The following RBPJ variants were observed in gnomAD, a reference collection of about 807,000 sequenced individuals.
The protein encoded by RBPJ is recombination signal binding protein for immunoglobulin kappa J region.
A neutral mutation model predicts 67.8 loss-of-function variants in RBPJ; 9 were observed. That is an observed-to-expected ratio of 0.13 (90% CI 0.08 to 0.23). The LOEUF (loss-of-function observed/expected upper bound fraction) is 0.23, where lower values mean the gene tolerates loss of function less well. Among genes scored for constraint, RBPJ ranks in the 10% least tolerant of loss-of-function variants. The probability of loss-of-function intolerance (pLI) is 1.00; values close to 1 mark genes in which losing one functional copy is unlikely to be tolerated. For synonymous variants in RBPJ, 198 were observed against 203.3 expected, an observed-to-expected ratio of 0.97 and a Z score of 0.22; for missense variants, 305 against 595.6, an observed-to-expected ratio of 0.51 and a Z score of 5.08.
intron 1 of RBPJ, among the ~76,000 whole-genome samples, chr4:26,170,013 C>T (rs945379612): frequency 6.6e-6 from 1 of 152,118 alleles, no homozygotes; most frequent in South Asian, 2.1e-4. Context: ...AACTCCCTGA[C>T]CCCTTGCGCT....
At chr4:26,281,666 A>G (rs1043098216) in intron 1 of RBPJ, among the ~76,000 whole-genome samples, 6 of 152,346 alleles carry the variant, frequency 3.9e-5, no homozygotes, top group African/African-American at 1.4e-4. Context: ...TATTCTTTGC[A>G]GTCACTTTTA....
At chr4:26,393,178 G>A (rs1417372363) in intron 2 of RBPJ, among the ~76,000 whole-genome samples, 1 of 152,024 alleles carries the variant, frequency 6.6e-6, no homozygotes, top group Non-Finnish European at 1.5e-5. Context: ...TTAAATCTCT[G>A]AAAGAGAGCA....
At chr4:26,369,628 A>G (rs1046521715) in intron 1 of RBPJ, among the ~76,000 whole-genome samples, 10 of 152,208 alleles carry the variant, frequency 6.6e-5, no homozygotes, top group Non-Finnish European at 1.2e-4. Flanking sequence ...CATATTCCAC[A>G]GAAGAAAAGC....
At chr4:26,409,368 T>G (rs942608682) in intron 3 of RBPJ, among the ~76,000 whole-genome samples, 5 of 152,082 alleles carry the variant, frequency 3.3e-5, no homozygotes, top group African/African-American at 1.2e-4. Context: ...GAGGTGCCAC[T>G]GCACTCCAGC....
At position 26,237,570 on chromosome 4, in the gene RBPJ, C is replaced by T. The variant is rs908639087; in HGVS notation, c.-167+73956C>T. ...CAGTGCAAACACACTATTTTTCCTTCCACTACAGGTATAAGCCTTCTATCT... is the reference window on the plus strand; with the variant it reads ...CAGTGCAAACACACTATTTTTCCTTTCACTACAGGTATAAGCCTTCTATCT... On this transcript the variant is annotated intron_variant, in intron 1 of 4. Coordinates refer to the RBPJ transcript ENST00000512351. 2.0e-5 allele frequency among the ~76,000 whole-genome samples: 3 copies of T among 152,272 alleles called. No individual in the cohort carries two copies. The South Asian group carries it at 6.2e-4, about 32-fold the overall frequency.
chr4:26,162,472 C>T (rs1716108348), upstream of RBPJ, among the ~76,000 whole-genome samples: 1 of 152,356 alleles, frequency 6.6e-6, no homozygotes, highest in African/African-American at 2.4e-5. Context: ...CCCTTTTCTT[C>T]ATTGGTCACT....
intron 5 of RBPJ, among the ~76,000 whole-genome samples, chr4:26,421,214 G>A (rs755397007): frequency 1.3e-5 from 2 of 152,060 alleles, no homozygotes; most frequent in Non-Finnish European, 2.9e-5. Context: ...TGTCTCATCA[G>A]CCTATTTTTA....
intron 1 of RBPJ, among the ~76,000 whole-genome samples, chr4:26,307,242 CAT>C: frequency 6.6e-6 from 1 of 152,306 alleles, no homozygotes; most frequent in Non-Finnish European, 1.5e-5. Context: ...AGTGCAGACT[CAT>C]AGTTACCGTC....
At chr4:26,309,695 T>C (rs538527843) in intron 1 of RBPJ, among the ~76,000 whole-genome samples, 11 of 152,290 alleles carry the variant, frequency 7.2e-5, no homozygotes, top group African/African-American at 1.9e-4. Flanking sequence ...ACCACTGCAA[T>C]ATATGATGCA....
intron 1 of RBPJ, among the ~76,000 whole-genome samples, chr4:26,376,792 T>C (rs1250462118): frequency 1.3e-5 from 2 of 152,194 alleles, no homozygotes; most frequent in Admixed American, 6.5e-5. Flanking sequence ...CCAACCCTTG[T>C]TACTTTATTG....
chr4:26,225,422 A>G (rs183919727), intron 1 of RBPJ, among the ~76,000 whole-genome samples: 9 of 152,376 alleles, frequency 5.9e-5, no homozygotes, highest in Admixed American at 5.9e-4. Context: ...TAATGGAGAC[A>G]GTAAAAATAT....
Position 26,428,699 on chromosome 4 carries a change from TTTC to T in RBPJ, c.748-18_748-16del. On this transcript the variant is annotated intron_variant, in intron 7 of 10. Transcript: ENST00000355476. ...CTTTCCATGTGTGGATGACCTTTTA[TTTC>T]TTAATTGTTAAATATAGATAATTAG... 1 of 1,593,812 alleles carries T rather than the reference TTTC, an allele frequency of 6.3e-7. No individual in the cohort carries two copies. The highest frequency in any genetic ancestry group is 8.6e-7 in the Non-Finnish European group (1 of 1,166,292).
intron 1 of RBPJ, chr4:26,272,782 G>A (rs752793725): frequency 1.6e-5 from 7 of 439,068 alleles, no homozygotes; most frequent in African/African-American, 1.2e-4. Context: ...CACCAGGAAG[G>A]GGGTGATGGG....
At chr4:26,366,268 A>G (rs1235315468) in intron 1 of RBPJ, among the ~76,000 whole-genome samples, 2 of 151,506 alleles carry the variant, frequency 1.3e-5, no homozygotes, top group East Asian at 3.8e-4. Context: ...TTACCAGATC[A>G]GTAGTTTTTT....
chr4:26,322,944 T>C (rs1723243356), intron 1 of RBPJ: 1 of 151,652 alleles, frequency 6.6e-6, no homozygotes, highest in South Asian at 2.1e-4. Context: ...ATCTCTACTT[T>C]TAGAAGGTAT....
chr4:26,387,339 A>G (rs1204950591), intron 2 of RBPJ, among the ~76,000 whole-genome samples: 2 of 152,206 alleles, frequency 1.3e-5, no homozygotes, highest in Non-Finnish European at 2.9e-5. Flanking sequence ...GTAATGGATT[A>G]AAACCTGTAT....
intron 1 of RBPJ, among the ~76,000 whole-genome samples, chr4:26,205,142 C>T: frequency 6.6e-6 from 1 of 152,208 alleles, no homozygotes; most frequent in East Asian, 1.9e-4. Flanking sequence ...GGCCAGCCAA[C>T]AGGTTCTCAG....
At chr4:26,319,234 C>T (rs1195723275), upstream of RBPJ, among the ~76,000 whole-genome samples, 1 of 152,082 alleles carries the variant, frequency 6.6e-6, no homozygotes, top group Non-Finnish European at 1.5e-5. Flanking sequence ...GGAGATCGGC[C>T]TGGGGCTCCT....
At position 26,431,212 on chromosome 4, in the gene RBPJ, GAA is replaced by G. The variant is rs1181695025; in HGVS notation, c.*213_*214del. 2.3e-5 allele frequency: 6 copies of G among 266,206 alleles called. No homozygotes were observed. In the South Asian group the frequency reaches 2.6e-4, roughly 11 times the overall value. The allele number at this position is 266,206 out of a possible 1,614,324, so 16.5% of individuals were successfully genotyped here. On this transcript the variant is annotated 3_prime_UTR_variant, in exon 11 of 11. Transcript: ENST00000355476. ...AAAAAAAAAAAAAAAAAAAAAAAAA[GAA>G]AAAAAAATCAAAATGTATAAATATT...
Sources: gnomAD v4.1 joint callset for allele counts (sites outside exome capture counted in the v4.1 genomes callset) on GRCh38, gnomAD v4.1.1 for gene constraint, MANE v1.5 for transcripts, NCBI Gene and HGNC (gene_info 2026-07-23, HGNC 2026-07-21) for gene names.